Variants in DNAH7 observed in about 807,000 individuals in gnomAD.
DNAH7 encodes axonemal beta dynein heavy chain 7.
Under a neutral mutation model 444.6 loss-of-function variants are expected in DNAH7, and 397 were observed. The observed-to-expected ratio is 0.89, with a 90% confidence interval of 0.82 to 0.97. DNAH7 has a LOEUF of 0.97. DNAH7 is among the 50% of genes least tolerant of loss of function. The pLI, the probability that DNAH7 is intolerant of heterozygous loss-of-function variation, is 0.00. For synonymous variants in DNAH7, 1,636 were observed against 1,624.4 expected (o/e 1.01, Z -0.17); for missense variants, 4,902 against 4,800.8 (o/e 1.02, Z -0.62).
intron 10 of DNAH7, among the ~76,000 whole-genome samples, chr2:196,003,418 C>T (rs1276799244): frequency 6.6e-6 from 1 of 152,168 alleles, no homozygotes; most frequent in Non-Finnish European, 1.5e-5. Context: ...TTCAATTGCT[C>T]ATTCTCTCAA....
At chr2:195,748,467 C>A (rs1693567495) in intron 63 of DNAH7, among the ~76,000 whole-genome samples, 1 of 152,144 alleles carries the variant, frequency 6.6e-6, no homozygotes, top group Middle Eastern at 3.2e-3. Flanking sequence ...ACTTTCTTCA[C>A]AGAATTGGAA....
chr2:195,943,992 T>G (rs1689636553), intron 19 of DNAH7, among the ~76,000 whole-genome samples: 1 of 152,130 alleles, frequency 6.6e-6, no homozygotes, highest in East Asian at 1.9e-4. Context: ...ACATACCTCT[T>G]CCCCAGTCTT....
intron 10 of DNAH7, among the ~76,000 whole-genome samples, chr2:196,005,459 CTTATAG>C (rs1218272430): frequency 6.6e-6 from 1 of 151,744 alleles, no homozygotes; most frequent in Non-Finnish European, 1.5e-5. Context: ...AACTCATGAA[CTTATAG>C]TTAAACTGAC....
chr2:195,835,381 CAAAAA>C (rs58376618), intron 47 of DNAH7, among the ~76,000 whole-genome samples: 5 of 113,046 alleles, frequency 4.4e-5, no homozygotes, highest in Non-Finnish European at 5.4e-5. Flanking sequence ...GTGACTGAGG[CAAAAA>C]AAAAAAAAAA....
intron 35 of DNAH7, among the ~76,000 whole-genome samples, chr2:195,883,391 T>C (rs2125183060): frequency 6.6e-6 from 1 of 151,222 alleles, no homozygotes; most frequent in East Asian, 2.0e-4. Context: ...GAGCTTGCAG[T>C]GAGCCGAGAT....
chr2:195,942,940 AC>A (rs1472555101), intron 19 of DNAH7, among the ~76,000 whole-genome samples: 2 of 152,104 alleles, frequency 1.3e-5, no homozygotes, highest in South Asian at 4.2e-4. Context: ...AATTGTAATA[AC>A]CCCTGTGTGT....
At chr2:195,764,097 G>C (rs1489421010) in intron 61 of DNAH7, among the ~76,000 whole-genome samples, 1 of 151,854 alleles carries the variant, frequency 6.6e-6, no homozygotes, top group African/African-American at 2.4e-5. Flanking sequence ...AAATTAGTCA[G>C]TGTGATACAT....
intron 46 of DNAH7, among the ~76,000 whole-genome samples, chr2:195,851,947 T>A (rs1053141970): frequency 7.9e-5 from 12 of 152,196 alleles, no homozygotes; most frequent in African/African-American, 2.9e-4. Flanking sequence ...AGGTGAGGAT[T>A]TTAAACATTT....
At chr2:195,918,796 A>G (rs1362793186) in intron 24 of DNAH7, among the ~76,000 whole-genome samples, 2 of 152,278 alleles carry the variant, frequency 1.3e-5, no homozygotes, top group East Asian at 3.9e-4. Flanking sequence ...AGGGCAGTAA[A>G]ATTATTCTTT....
intron 40 of DNAH7, among the ~76,000 whole-genome samples, chr2:195,866,629 A>T (rs899290410): frequency 6.6e-6 from 1 of 152,236 alleles, no homozygotes; most frequent in Non-Finnish European, 1.5e-5. Flanking sequence ...CAGTCAACAC[A>T]TCTGCATTAA....
intron 5 of DNAH7, among the ~76,000 whole-genome samples, chr2:196,046,682 C>T (rs1049745206): frequency 1.3e-5 from 2 of 152,176 alleles, no homozygotes; most frequent in Admixed American, 1.3e-4. Context: ...TCAGTACCCA[C>T]TGTCCTCCCT....
At chr2:196,023,717 T>A (rs1022559791) in intron 8 of DNAH7, among the ~76,000 whole-genome samples, 1 of 152,214 alleles carries the variant, frequency 6.6e-6, no homozygotes, top group African/African-American at 2.4e-5. Context: ...TTTAATTTCC[T>A]TTGCATTCAC....
chr2:195,915,214 G>A lies in DNAH7; in HGVS notation c.3936-5019C>T, dbSNP rs193220809. ...GACAGAAGAAGATACATGGTGTGAT[G>A]AGAATCACTGAGGAGAGATTCGTAA... On this transcript the variant is annotated intron_variant, in intron 24 of 64. Coordinates refer to ENST00000312428, the MANE Select transcript of DNAH7 (RefSeq NM_018897.3). 1.6e-4 allele frequency among the ~76,000 whole-genome samples: 25 copies of A among 152,300 alleles called. No individual in the cohort carries two copies. The East Asian group carries it at 4.4e-3, about 27-fold the overall frequency.
intron 48 of DNAH7, among the ~76,000 whole-genome samples, chr2:195,825,389 T>G (rs2124920596): frequency 6.6e-6 from 1 of 152,344 alleles, no homozygotes; most frequent in Middle Eastern, 3.4e-3. Flanking sequence ...ACACATTGAA[T>G]TTTGCATGCT....
chr2:195,785,038 A>C (rs1476353430), intron 58 of DNAH7, among the ~76,000 whole-genome samples: 1 of 151,412 alleles, frequency 6.6e-6, no homozygotes, highest in Non-Finnish European at 1.5e-5. Context: ...CAGCCTCCCG[A>C]GTAGCTGGGA....
At chr2:195,878,058 A>G (rs1701159764) in intron 36 of DNAH7, among the ~76,000 whole-genome samples, 1 of 152,228 alleles carries the variant, frequency 6.6e-6, no homozygotes. Flanking sequence ...AAGTTATTCT[A>G]TTTATTTAAA....
At chr2:195,766,556 A>G (rs1694598201) in intron 61 of DNAH7, among the ~76,000 whole-genome samples, 1 of 152,096 alleles carries the variant, frequency 6.6e-6, no homozygotes, top group African/African-American at 2.4e-5. Flanking sequence ...AGTGGTAGGT[A>G]GGGTTAATAG....
intron 54 of DNAH7, among the ~76,000 whole-genome samples, chr2:195,800,446 C>G (rs774669620): frequency 6.6e-6 from 1 of 152,174 alleles, no homozygotes; most frequent in Non-Finnish European, 1.5e-5. Flanking sequence ...AATACTCTAA[C>G]ATGATATTGT....
intron 48 of DNAH7, among the ~76,000 whole-genome samples, chr2:195,833,779 G>A (rs1372295889): frequency 1.3e-5 from 2 of 151,632 alleles, no homozygotes; most frequent in Non-Finnish European, 2.9e-5. Flanking sequence ...TTTTTGAGAT[G>A]GAGTCTCGCT....
Sources: allele counts gnomAD v4.1 joint callset (sites outside exome capture counted in the v4.1 genomes callset), GRCh38; gene constraint gnomAD v4.1.1; transcripts MANE v1.5; gene names NCBI Gene and HGNC (gene_info 2026-07-23, HGNC 2026-07-21).